TMBIM4: variants seen among roughly 807,000 people sequenced by gnomAD.
The protein encoded by TMBIM4 is transmembrane BAX inhibitor motif containing 4, also known as protein lifeguard 4.
Under a neutral mutation model 27.7 loss-of-function variants are expected in TMBIM4, and 28 were observed. The observed-to-expected ratio is 1.01, with a 90% confidence interval of 0.75 to 1.38. The LOEUF is 1.38. Among genes scored for constraint, TMBIM4 ranks in the 40% most tolerant of loss-of-function variants. The pLI, the probability that TMBIM4 is intolerant of heterozygous loss-of-function variation, is 0.00. For synonymous variants in TMBIM4, 115 were observed against 113.1 expected (o/e 1.02, Z -0.11); for missense variants, 265 against 277.5 (o/e 0.95, Z 0.32).
intron 5 of TMBIM4, 59 bp from the exon 6 acceptor site, chr12:66,138,828 A>G (rs1355542142): frequency 7.1e-7 from 1 of 1,417,026 alleles, no homozygotes; most frequent in Non-Finnish European, 9.2e-7. Flanking sequence ...AACTTTGTAA[A>G]CCCATTCAAC....
At chr12:66,143,681 T>C (rs1425554321) in intron 5 of TMBIM4, among the ~76,000 whole-genome samples, 3 of 152,184 alleles carry the variant, frequency 2.0e-5, no homozygotes, top group Non-Finnish European at 2.9e-5. Flanking sequence ...ACTGCCACCA[T>C]TGCCTGATAC....
intron 5 of TMBIM4, among the ~76,000 whole-genome samples, chr12:66,139,430 T>C (rs1054136974): frequency 6.6e-6 from 1 of 152,144 alleles, no homozygotes; most frequent in African/African-American, 2.4e-5. Flanking sequence ...AGACAAAATA[T>C]ATGAAACAAC....
At chr12:66,162,671 T>A (rs2136883062) in intron 1 of TMBIM4, among the ~76,000 whole-genome samples, 1 of 152,332 alleles carries the variant, frequency 6.6e-6, no homozygotes, top group Non-Finnish European at 1.5e-5. Flanking sequence ...AAGTGATACA[T>A]AACATTGTTC....
intron 1 of TMBIM4, among the ~76,000 whole-genome samples, chr12:66,167,088 T>C: frequency 6.6e-6 from 1 of 152,222 alleles, no homozygotes; most frequent in Middle Eastern, 3.4e-3. Context: ...GACAAAACTA[T>C]GGAGACAATA....
At chr12:66,142,391 A>G (rs2051681916) in intron 5 of TMBIM4, among the ~76,000 whole-genome samples, 1 of 150,038 alleles carries the variant, frequency 6.7e-6, no homozygotes, top group African/African-American at 2.5e-5. Context: ...AAGAACTTAC[A>G]GCATCCGAGA....
Position 66,138,748 on chromosome 12 carries a change from T to C in TMBIM4, c.486A>G (p.Ile162Met). 4 of 1,548,952 alleles carry C rather than the reference T, an allele frequency of 2.6e-6. No individual in the cohort carries two copies. The highest frequency in any genetic ancestry group is 3.4e-4 in the Middle Eastern group (2 of 5,878). ...FGAGLFALLW[I>M]LCLSGFLKFF... Reference sequence around the variant, plus strand: ...CCTTCAAGAATCCTGACAGGCACAATATCCACAAAAGAGCAAACAGCCTAT... The same window carrying C: ...CCTTCAAGAATCCTGACAGGCACAACATCCACAAAAGAGCAAACAGCCTAT... The change falls in exon 6 of 7, where the codon ATA becomes ATG. Residue 162 changes from isoleucine (I) to methionine (M), a missense_variant. Physicochemically the swap from Ile to Met is conservative, Grantham distance 10. Transcript: ENST00000358230.
At position 66,145,836 on chromosome 12, in the gene TMBIM4, C is replaced by T. The variant is rs2051742027; in HGVS notation, c.464+5G>A. On this transcript the variant is annotated splice_donor_5th_base_variant and intron_variant, in intron 5 of 6. Transcript: ENST00000358230. ...CTATTATATCCAAGAATATATACAA[C>T]TTACCCTGCTCCAAATTTGCTGAAA... The T allele has an allele frequency of 6.6e-7, 1 of 1,522,286 alleles. No individual in the cohort carries two copies. The highest frequency in any genetic ancestry group is 1.1e-5 in the South Asian group (1 of 88,296). 94.3% of individuals were successfully genotyped at this position (1,522,286 alleles called of 1,614,324 possible). A position where few individuals can be genotyped will look rare whatever the true frequency, so the allele number is the denominator to read the frequency against.
rs2051592386 is a variant in TMBIM4, at chr12:66,137,360, C to T, written c.*600G>A. 6.6e-6 allele frequency: 1 copy of T among 151,852 alleles called. No homozygotes were observed. Among genetic ancestry groups the T allele is most frequent in the African/African-American group, 2.4e-5 (1 of 41,324 alleles). 9.4% of individuals were successfully genotyped at this position (151,852 alleles called of 1,614,324 possible). A position where few individuals can be genotyped will look rare whatever the true frequency, so the allele number is the denominator to read the frequency against. On this transcript the variant is annotated 3_prime_UTR_variant, in exon 7 of 7. Transcript: ENST00000358230. ...TACTCATAAAATTATTTTTGAATTG[C>T]AAACGAACTGCTATGCGTGGCTAAT...
chr12:66,166,464 C>CAAAA (rs59822799), intron 1 of TMBIM4, among the ~76,000 whole-genome samples: 16 of 100,666 alleles, frequency 1.6e-4, no homozygotes, highest in African/African-American at 3.8e-4. Context: ...TACTTTGTCT[C>CAAAA]AAAAAAAAAA....
chr12:66,146,670 CAAAG>C (rs2051757225), intron 4 of TMBIM4, among the ~76,000 whole-genome samples: 1 of 152,126 alleles, frequency 6.6e-6, no homozygotes, highest in African/African-American at 2.4e-5. Flanking sequence ...TAATAAATTG[CAAAG>C]TTATAACCTC....
At chr12:66,165,345 T>A (rs2052107823) in intron 1 of TMBIM4, among the ~76,000 whole-genome samples, 1 of 151,672 alleles carries the variant, frequency 6.6e-6, no homozygotes, top group African/African-American at 2.4e-5. Context: ...AGTGTGGTAC[T>A]AACATAAAGA....
At position 66,158,636 on chromosome 12, in the gene TMBIM4, C is replaced by T. The variant is rs542975055; in HGVS notation, c.98-5188G>A. 6.1e-5 allele frequency among the ~76,000 whole-genome samples: 9 copies of T among 147,054 alleles called. No homozygotes were observed. In the East Asian group the frequency reaches 2.1e-3, roughly 34 times the overall value. On this transcript the variant is annotated intron_variant, in intron 1 of 6. Transcript: ENST00000358230. ...ACTGCAGCCTGGTGACAGAGCAAGA[C>T]TCTGTCTCAAAAAAAAAAAAAAAAT...
chr12:66,164,068 A>G lies in TMBIM4; in HGVS notation c.97+5787T>C, dbSNP rs181710244. On this transcript the variant is annotated intron_variant, in intron 1 of 6. Coordinates refer to ENST00000358230, the MANE Select transcript of TMBIM4 (RefSeq NM_016056.4). ...CAGCACATTTACAGAATGTTGGGGG[A>G]AAAAGAAACATGATCATCTCAACTG... 3.0e-4 allele frequency among the ~76,000 whole-genome samples: 45 copies of G among 152,322 alleles called. No individual in the cohort carries two copies. In the South Asian group the frequency reaches 5.2e-3, roughly 18 times the overall value.
At chr12:66,163,386 A>T (rs2052074501) in intron 1 of TMBIM4, among the ~76,000 whole-genome samples, 1 of 152,174 alleles carries the variant, frequency 6.6e-6, no homozygotes, top group Non-Finnish European at 1.5e-5. Context: ...ACTCCCCGAG[A>T]CTGGGTAATT....
At chr12:66,140,464 CAAAG>C (rs2051650096) in intron 5 of TMBIM4, among the ~76,000 whole-genome samples, 3 of 151,610 alleles carry the variant, frequency 2.0e-5, no homozygotes, top group Non-Finnish European at 4.4e-5. Context: ...GAGAAAAAGA[CAAAG>C]AAAAACAAAC....
intron 3 of TMBIM4, among the ~76,000 whole-genome samples, chr12:66,151,418 T>C (rs954224496): frequency 6.6e-6 from 1 of 152,092 alleles, no homozygotes; most frequent in African/African-American, 2.4e-5. Flanking sequence ...CTGTATTTTT[T>C]TGTAGAGGTG....
chr12:66,169,383 G>A (rs1371058549), intron 1 of TMBIM4: 19 of 629,542 alleles, frequency 3.0e-5, no homozygotes, highest in Non-Finnish European at 8.5e-6. Context: ...CCGTCAGGGA[G>A]CTTCCAGCCT....
At chr12:66,153,206 C>T in intron 2 of TMBIM4, 134 bp downstream of exon 2, 1 of 597,714 alleles carries the variant, frequency 1.7e-6, no homozygotes, top group Admixed American at 3.7e-5. Context: ...ACTAATCAGG[C>T]TTATAAGAGT....
intron 5 of TMBIM4, chr12:66,145,282 T>C (rs2051733195): frequency 6.6e-6 from 1 of 152,194 alleles, no homozygotes; most frequent in African/African-American, 2.4e-5. Flanking sequence ...GTTGGGTGAC[T>C]GTGCCAACAG....
Sources: allele counts gnomAD v4.1 joint callset (sites outside exome capture counted in the v4.1 genomes callset), GRCh38; gene constraint gnomAD v4.1.1; transcripts MANE v1.5; gene names NCBI Gene and HGNC (gene_info 2026-07-23, HGNC 2026-07-21).